The following MAGI2 variants were observed in gnomAD, a reference collection of about 807,000 sequenced individuals.
MAGI2 encodes the protein membrane associated guanylate kinase, WW and PDZ domain containing 2, also known as membrane-associated guanylate kinase, WW and PDZ domain-containing protein 2.
Under a neutral mutation model 133.3 loss-of-function variants are expected in MAGI2, and 35 were observed. That is an observed-to-expected ratio of 0.26 (90% CI 0.20 to 0.35). The LOEUF is 0.35. MAGI2 is among the 10% of genes least tolerant of loss of function. The pLI is 1.00. For missense variants in MAGI2, 1,636 were observed against 1,863.4 expected (o/e 0.88, Z 2.25); for synonymous variants, 729 against 710.6 (o/e 1.03, Z -0.41).
At chr7:79,132,063 A>C (rs1479611756) in intron 1 of MAGI2, among the ~76,000 whole-genome samples, 1 of 152,166 alleles carries the variant, frequency 6.6e-6, no homozygotes, top group Non-Finnish European at 1.5e-5. Context: ...TTAAAACCCA[A>C]TACAATTCAA....
At chr7:78,568,683 G>A (rs1584671209) in intron 3 of MAGI2, among the ~76,000 whole-genome samples, 1 of 151,758 alleles carries the variant, frequency 6.6e-6, no homozygotes, top group East Asian at 1.9e-4. Flanking sequence ...TTCCACTATC[G>A]TCCCCACTCC....
At chr7:78,176,950 C>CACACACACACAT (rs988630917) in intron 14 of MAGI2, among the ~76,000 whole-genome samples, 111 of 147,330 alleles carry the variant, frequency 7.5e-4, no homozygotes, top group African/African-American at 2.4e-3. Flanking sequence ...CACACACACA[C>CACACACACACAT]ATATATAGTA....
chr7:79,116,294 G>T (rs1345161769), intron 1 of MAGI2, among the ~76,000 whole-genome samples: 1 of 152,112 alleles, frequency 6.6e-6, no homozygotes, highest in East Asian at 1.9e-4. Flanking sequence ...AATATCCAAG[G>T]TCCATCACAT....
intron 9 of MAGI2, among the ~76,000 whole-genome samples, chr7:78,316,593 T>C (rs918263785): frequency 6.6e-6 from 1 of 152,206 alleles, no homozygotes; most frequent in South Asian, 2.1e-4. Context: ...TATTACAAAG[T>C]AGATAATTTT....
intron 10 of MAGI2, among the ~76,000 whole-genome samples, chr7:78,201,872 TATA>T (rs1285860415): frequency 6.6e-6 from 1 of 152,198 alleles, no homozygotes; most frequent in Non-Finnish European, 1.5e-5. Flanking sequence ...TATCACAAAA[TATA>T]ATGATTCGAG....
chr7:78,653,144 G>A (rs1006859309), intron 2 of MAGI2, among the ~76,000 whole-genome samples: 1 of 152,178 alleles, frequency 6.6e-6, no homozygotes, highest in Non-Finnish European at 1.5e-5. Flanking sequence ...AACAGATGCT[G>A]GAGAGGATGT....
chr7:78,747,228 C>T (rs1823006791), intron 2 of MAGI2, among the ~76,000 whole-genome samples: 1 of 152,030 alleles, frequency 6.6e-6, no homozygotes, highest in Admixed American at 6.6e-5. Flanking sequence ...TGATTTCTCT[C>T]AAAAGGGATT....
chr7:78,872,276 T>C (rs1795094323), intron 2 of MAGI2, among the ~76,000 whole-genome samples: 1 of 150,342 alleles, frequency 6.7e-6, no homozygotes, highest in Admixed American at 6.6e-5. Flanking sequence ...AAAACCTAGA[T>C]AAAATATTAG....
chr7:79,087,800 G>C (rs1006593478), intron 1 of MAGI2, among the ~76,000 whole-genome samples: 1 of 151,932 alleles, frequency 6.6e-6, no homozygotes, highest in African/African-American at 2.4e-5. Flanking sequence ...AAGATCAGAT[G>C]GTTGTAGATG....
At chr7:79,366,682 AG>A (rs1339871079) in intron 1 of MAGI2, among the ~76,000 whole-genome samples, 2 of 152,318 alleles carry the variant, frequency 1.3e-5, no homozygotes, top group Non-Finnish European at 2.9e-5. Context: ...AAATTAAACA[AG>A]GGGTCTCTGT....
intron 20 of MAGI2, among the ~76,000 whole-genome samples, chr7:78,114,782 C>T (rs1005981759): frequency 6.6e-6 from 1 of 152,152 alleles, no homozygotes; most frequent in African/African-American, 2.4e-5. Flanking sequence ...GTGGCAAGAA[C>T]TCATTAGTGA....
chr7:78,429,767 C>A (rs1799618326), intron 6 of MAGI2, among the ~76,000 whole-genome samples: 1 of 151,888 alleles, frequency 6.6e-6, no homozygotes, highest in African/African-American at 2.4e-5. Context: ...AAGCAACTAG[C>A]TTTGTATAGC....
At chr7:78,930,330 T>C (rs913722690) in intron 2 of MAGI2, among the ~76,000 whole-genome samples, 12 of 152,174 alleles carry the variant, frequency 7.9e-5, no homozygotes, top group Admixed American at 1.3e-4. Flanking sequence ...GTAGGAACTC[T>C]AATTGTCTTC....
At chr7:78,440,245 C>G (rs1008188643) in intron 6 of MAGI2, among the ~76,000 whole-genome samples, 3 of 152,080 alleles carry the variant, frequency 2.0e-5, no homozygotes, top group African/African-American at 7.2e-5. Flanking sequence ...GGCATGCATT[C>G]ATTTATTCAT....
chr7:78,096,479 T>C (rs906962104), intron 20 of MAGI2, among the ~76,000 whole-genome samples: 5 of 152,188 alleles, frequency 3.3e-5, no homozygotes, highest in African/African-American at 4.8e-5. Context: ...ATAGGAAACT[T>C]TCAAACTTAC....
intron 2 of MAGI2, among the ~76,000 whole-genome samples, chr7:79,001,660 G>C (rs1311829411): frequency 6.6e-6 from 1 of 152,116 alleles, no homozygotes; most frequent in East Asian, 1.9e-4. Flanking sequence ...ATTATGCTCA[G>C]TAGCATATTA....
At chr7:79,434,931 A>G (rs1212021426) in intron 1 of MAGI2, among the ~76,000 whole-genome samples, 1 of 152,228 alleles carries the variant, frequency 6.6e-6, no homozygotes, top group African/African-American at 2.4e-5. Flanking sequence ...ACCTACTTCA[A>G]AAAAGGGAGA....
At chr7:79,384,803 T>G (rs191545029) in intron 1 of MAGI2, among the ~76,000 whole-genome samples, 13 of 151,752 alleles carry the variant, frequency 8.6e-5, no homozygotes, top group Non-Finnish European at 1.6e-4. Flanking sequence ...TTTTGTAATA[T>G]GTGGAATGAA....
intron 6 of MAGI2, among the ~76,000 whole-genome samples, chr7:78,438,644 G>A (rs1398555793): frequency 1.3e-5 from 2 of 152,078 alleles, no homozygotes; most frequent in Admixed American, 6.6e-5. Flanking sequence ...CTCCAAACCT[G>A]GGTTTTGTCT....
Sources: gnomAD v4.1 joint callset for allele counts (sites outside exome capture counted in the v4.1 genomes callset) on GRCh38, gnomAD v4.1.1 for gene constraint, MANE v1.5 for transcripts, NCBI Gene and HGNC (gene_info 2026-07-23, HGNC 2026-07-21) for gene names.